The following CDYL variants were observed in gnomAD, a reference collection of about 807,000 sequenced individuals.
CDYL encodes the protein chromodomain Y like.
In CDYL, 8 loss-of-function variants were observed where a neutral mutation model predicts 47.3. That is an observed-to-expected ratio of 0.17 (90% CI 0.10 to 0.31). The LOEUF (loss-of-function observed/expected upper bound fraction) is 0.31, where lower values mean the gene tolerates loss of function less well. CDYL is among the 10% of genes least tolerant of loss of function. The probability of loss-of-function intolerance (pLI) is 1.00; values close to 1 mark genes in which losing one functional copy is unlikely to be tolerated. For synonymous variants in CDYL, 266 were observed against 265.0 expected, an observed-to-expected ratio of 1.00 and a Z score of -0.04; for missense variants, 471 against 701.4, an observed-to-expected ratio of 0.67 and a Z score of 3.71.
chr6:4,858,179 T>C lies in CDYL; in HGVS notation c.25-33534T>C, dbSNP rs186968436. Among the ~76,000 whole-genome samples the C allele has an allele frequency of 2.2e-3, 339 of 152,254 alleles. 2 individuals are homozygous for C. Among genetic ancestry groups the C allele is most frequent in the Admixed American group, 4.7e-3 (72 of 15,290 alleles). ...CTTTTATCTTAAAATATACTTCTTGTCCAGAGTGAGGCTTTAAAAAGATTT... is the reference window on the plus strand; with the variant it reads ...CTTTTATCTTAAAATATACTTCTTGCCCAGAGTGAGGCTTTAAAAAGATTT... On this transcript the variant is annotated intron_variant, in intron 1 of 6. Coordinates refer to ENST00000397588, the MANE Select transcript of CDYL (RefSeq NM_004824.4).
intron 1 of CDYL, among the ~76,000 whole-genome samples, chr6:4,848,515 A>G (rs970135374): frequency 5.3e-5 from 8 of 152,244 alleles, no homozygotes. Flanking sequence ...GGCACATGAG[A>G]ACAGTGCACA....
At chr6:4,731,948 G>A (rs555276474) in intron 2 of CDYL, among the ~76,000 whole-genome samples, 1 of 152,256 alleles carries the variant, frequency 6.6e-6, no homozygotes, top group South Asian at 2.1e-4. Flanking sequence ...ATTACATGAG[G>A]TCATTTTATT....
chr6:4,803,765 T>G (rs1275735558), intron 1 of CDYL, among the ~76,000 whole-genome samples: 1 of 151,462 alleles, frequency 6.6e-6, no homozygotes, highest in Non-Finnish European at 1.5e-5. Context: ...GTTTTCATCT[T>G]TATTTTCCTG....
upstream of CDYL, chr6:4,772,828 C>T (rs1204694803): frequency 6.8e-6 from 2 of 294,268 alleles, no homozygotes; most frequent in African/African-American, 2.2e-5. Context: ...TTCACAGCTA[C>T]CCAACCATAA....
chr6:4,724,167 A>C (rs1018308248), intron 2 of CDYL, among the ~76,000 whole-genome samples: 3 of 151,742 alleles, frequency 2.0e-5, no homozygotes, highest in African/African-American at 4.8e-5. Flanking sequence ...CAGCTTCCGA[A>C]GTAGCTGGGA....
chr6:4,824,253 G>T (rs116220553), intron 1 of CDYL, among the ~76,000 whole-genome samples: 4,042 of 152,210 alleles, frequency 0.027, 184 homozygotes, highest in African/African-American at 0.092. Flanking sequence ...CTAGGAGTGG[G>T]TCCTGTGGGT....
At chr6:4,920,743 G>A (rs1405631442) in intron 2 of CDYL, among the ~76,000 whole-genome samples, 1 of 152,190 alleles carries the variant, frequency 6.6e-6, no homozygotes, top group East Asian at 1.9e-4. Flanking sequence ...CTCCGCCTCT[G>A]GAGGTGGGAT....
intron 1 of CDYL, among the ~76,000 whole-genome samples, chr6:4,709,047 T>C (rs900934064): frequency 6.6e-6 from 1 of 152,166 alleles, no homozygotes; most frequent in African/African-American, 2.4e-5. Flanking sequence ...TTGTTAACTT[T>C]TTTTTAGTTA....
At chr6:4,750,333 G>A (rs1179859797) in intron 3 of CDYL, among the ~76,000 whole-genome samples, 2 of 152,050 alleles carry the variant, frequency 1.3e-5, no homozygotes, top group Non-Finnish European at 1.5e-5. Context: ...CTCCCATGTA[G>A]CTGGGACTAC....
chr6:4,886,398 CT>C (rs1761901193), intron 1 of CDYL, among the ~76,000 whole-genome samples: 1 of 152,174 alleles, frequency 6.6e-6, no homozygotes, highest in African/African-American at 2.4e-5. Context: ...ACTACTTACC[CT>C]TTTTATTACA....
intron 2 of CDYL, chr6:4,724,767 G>A (rs1418864354): frequency 6.6e-6 from 1 of 152,194 alleles, no homozygotes; most frequent in Non-Finnish European, 1.5e-5. Context: ...AAACCTTCGG[G>A]TGAGTGCTAC....
At chr6:4,900,779 G>GTGTGTGTGTGTGTGTATATATA in intron 2 of CDYL, among the ~76,000 whole-genome samples, 5 of 51,714 alleles carry the variant, frequency 9.7e-5, no homozygotes, top group African/African-American at 3.1e-4. Context: ...GTATACGTGT[G>GTGTGTGTGTGTGTGTATATATA]TATATATATA....
chr6:4,838,126 T>C (rs1295106288), intron 1 of CDYL, among the ~76,000 whole-genome samples: 1 of 152,194 alleles, frequency 6.6e-6, no homozygotes, highest in Non-Finnish European at 1.5e-5. Context: ...TAATGCCTTG[T>C]GACTCTTTAA....
intron 1 of CDYL, among the ~76,000 whole-genome samples, chr6:4,866,125 A>G (rs779131471): frequency 4.6e-5 from 7 of 152,242 alleles, no homozygotes; most frequent in Non-Finnish European, 1.0e-4. Context: ...TTTGAATTCA[A>G]TATAACTTGT....
chr6:4,935,400 A>T (rs1758159504), intron 2 of CDYL, 115 bp from the exon 3 acceptor site: 1 of 900,206 alleles, frequency 1.1e-6, no homozygotes, highest in Non-Finnish European at 1.7e-6. Flanking sequence ...TAATATTCTT[A>T]TATTCGTTTA....
intron 3 of CDYL, among the ~76,000 whole-genome samples, chr6:4,741,237 T>C (rs901683145): frequency 2.0e-5 from 3 of 152,032 alleles, no homozygotes; most frequent in Non-Finnish European, 2.9e-5. Flanking sequence ...TCCCAGGAAA[T>C]AGTTCAACTG....
chr6:4,927,425 G>A (rs966754460), intron 2 of CDYL, among the ~76,000 whole-genome samples: 10 of 118,812 alleles, frequency 8.4e-5, no homozygotes, highest in Non-Finnish European at 1.3e-4. Flanking sequence ...CGAATTTACT[G>A]TACGTGTGTG....
In CDYL at chr6:4,937,645, C is replaced by T. The variant is rs147295406; in HGVS notation, c.1029C>T (p.Ser343=). 2,946 of 1,613,950 alleles carry T rather than the reference C, an allele frequency of 1.8e-3. 4 individuals are homozygous for T. Among genetic ancestry groups the T allele is most frequent in the Non-Finnish European group, 2.3e-3 (2,728 of 1,179,862 alleles). Residue 343 remains serine (S), a synonymous_variant, in exon 4 of 7, where the codon AGC becomes AGT. Transcript: ENST00000397588. ...SKLVLLSAVG[S]VFCCGLDFIY... ...TGGTACTGCTCAGCGCCGTTGGCAG[C>T]GTCTTCTGTTGTGGACTTGACTTTA... is the stretch of plus-strand genomic sequence containing the variant.
chr6:4,900,967 T>A (rs1264794969), intron 2 of CDYL, among the ~76,000 whole-genome samples: 2 of 150,474 alleles, frequency 1.3e-5, no homozygotes, highest in African/African-American at 2.4e-5. Context: ...AGAGAGTGCC[T>A]AAAAAGAGGT....
Sources: allele counts gnomAD v4.1 joint callset (sites outside exome capture counted in the v4.1 genomes callset), GRCh38; gene constraint gnomAD v4.1.1; transcripts MANE v1.5; gene names NCBI Gene and HGNC (gene_info 2026-07-23, HGNC 2026-07-21).